APBB2: variants seen among roughly 807,000 people sequenced by gnomAD.
APBB2 encodes Fe65-like 1.
Under a neutral mutation model 82.5 loss-of-function variants are expected in APBB2, and 38 were observed. The ratio of observed to expected loss-of-function variants is 0.46; its 90% CI spans 0.36 to 0.60. The LOEUF is 0.60. APBB2 is among the 20% of genes least tolerant of loss of function. APBB2 has a pLI of 0.00. For missense variants in APBB2, 772 were observed against 972.3 expected, an observed-to-expected ratio of 0.79 and a Z score of 2.74; for synonymous variants, 341 against 368.2, an observed-to-expected ratio of 0.93 and a Z score of 0.85.
chr4:41,027,539 C>A (rs1714946914), intron 5 of APBB2, among the ~76,000 whole-genome samples: 1 of 151,760 alleles, frequency 6.6e-6, no homozygotes, highest in African/African-American at 2.4e-5. Flanking sequence ...TATAGCCATC[C>A]TAGTTGGTGT....
intron 1 of APBB2, among the ~76,000 whole-genome samples, chr4:41,204,116 G>C (rs1197720349): frequency 6.6e-6 from 1 of 152,204 alleles, no homozygotes. Flanking sequence ...AGGGATGGTC[G>C]CAGGCAATGG....
At chr4:41,012,564 C>T (rs1210559550) in intron 6 of APBB2, among the ~76,000 whole-genome samples, 2 of 152,120 alleles carry the variant, frequency 1.3e-5, no homozygotes, top group African/African-American at 4.8e-5. Flanking sequence ...TTCAAAAACG[C>T]TACTTTTTTT....
At chr4:41,022,803 C>G (rs893875842) in intron 5 of APBB2, among the ~76,000 whole-genome samples, 1 of 152,002 alleles carries the variant, frequency 6.6e-6, no homozygotes, top group Non-Finnish European at 1.5e-5. Context: ...AATGTCTAGA[C>G]AGAATTTCTG....
chr4:41,026,678 G>A (rs1714384875), intron 5 of APBB2, among the ~76,000 whole-genome samples: 1 of 152,074 alleles, frequency 6.6e-6, no homozygotes, highest in Non-Finnish European at 1.5e-5. Context: ...TCCTCTTTAT[G>A]GCTGGATAAT....
intron 2 of APBB2, among the ~76,000 whole-genome samples, chr4:41,121,714 G>C (rs1470215061): frequency 6.6e-6 from 1 of 152,128 alleles, no homozygotes; most frequent in Non-Finnish European, 1.5e-5. Context: ...GGTCCTGTCA[G>C]GTGGCTCTCT....
At chr4:41,026,337 A>G (rs1013907826) in intron 5 of APBB2, among the ~76,000 whole-genome samples, 11 of 152,350 alleles carry the variant, frequency 7.2e-5, no homozygotes, top group Admixed American at 7.2e-4. Context: ...CCTAAAAGTT[A>G]AAAAATTTTT....
rs886141445 is a variant in APBB2 at position 41,019,181 on chromosome 4, G to A, written c.20-4783C>T. Among the ~76,000 whole-genome samples, 14 of 152,110 alleles carry A rather than the reference G, an allele frequency of 9.2e-5. No homozygotes were observed. In the East Asian group the frequency reaches 9.6e-4, roughly 10 times the overall value. On this transcript the variant is annotated intron_variant, in intron 5 of 17. Transcript: ENST00000508593. The stretch of plus-strand genomic sequence containing the variant: ...TAGCTGGAGGATGACCCAGGTTTAC[G>A]GGAGGGACTTTATACTTTTTAAAGA...
intron 10 of APBB2, among the ~76,000 whole-genome samples, chr4:40,928,387 AAC>A (rs34694637): frequency 0.033 from 3,740 of 112,814 alleles, 95 homozygotes; most frequent in East Asian, 0.15. Flanking sequence ...TACTAAAGAA[AAC>A]ACACACACAC....
At chr4:41,053,874 A>G (rs1162511487) in intron 4 of APBB2, among the ~76,000 whole-genome samples, 3 of 152,230 alleles carry the variant, frequency 2.0e-5, no homozygotes, top group Non-Finnish European at 2.9e-5. Context: ...TTTCTTTTCA[A>G]AGACTGTTTT....
rs181439447 is a variant in APBB2, at chr4:41,023,470, C to T, written c.20-9072G>A. Among the ~76,000 whole-genome samples, 839 of 152,162 alleles carry T rather than the reference C, an allele frequency of 5.5e-3. 2 individuals carry two copies. Among genetic ancestry groups the T allele is most frequent in the Middle Eastern group, 0.014 (4 of 294 alleles). ...CCCAAAAGCTCTTTCGGCTGATAAA[C>T]AACTTAAGCAAAGTTTCAGGATACA... On this transcript the variant is annotated intron_variant, in intron 5 of 17. Transcript: ENST00000508593.
In APBB2 at chr4:41,197,364, C is replaced by A; in HGVS notation, c.-417+17041G>T. The stretch of plus-strand genomic sequence containing the variant: ...ATGAGCCTTCTTAATGCTTATCTTC[C>A]AATAGCAAATACAAGAATAATAACA... On this transcript the variant is annotated intron_variant, in intron 1 of 17. Transcript: ENST00000508593. Among the ~76,000 whole-genome samples, 8 of 152,232 alleles carry A rather than the reference C, an allele frequency of 5.3e-5. No homozygotes were observed. The East Asian group carries it at 9.6e-4, about 18-fold the overall frequency.
At chr4:41,097,570 C>A (rs1743939800) in intron 3 of APBB2, among the ~76,000 whole-genome samples, 1 of 152,118 alleles carries the variant, frequency 6.6e-6, no homozygotes, top group African/African-American at 2.4e-5. Context: ...GAAAAAGTTA[C>A]CAAAAAACTT....
intron 3 of APBB2, among the ~76,000 whole-genome samples, chr4:41,095,978 C>A (rs1743340563): frequency 6.6e-6 from 1 of 152,214 alleles, no homozygotes; most frequent in Non-Finnish European, 1.5e-5. Flanking sequence ...GCTCCATACC[C>A]CAGCCACGGT....
intron 3 of APBB2, among the ~76,000 whole-genome samples, chr4:41,097,157 C>T (rs1247499174): frequency 6.6e-6 from 1 of 152,180 alleles, no homozygotes; most frequent in African/African-American, 2.4e-5. Context: ...CCCTTAGGCA[C>T]AGAAATATTG....
chr4:40,844,946 A>C (rs1757051519), intron 12 of APBB2, among the ~76,000 whole-genome samples: 2 of 152,236 alleles, frequency 1.3e-5, no homozygotes. Flanking sequence ...CAATCTGAGA[A>C]TACAACCTGT....
At chr4:40,977,223 G>C (rs1797386326) in intron 6 of APBB2, among the ~76,000 whole-genome samples, 1 of 152,046 alleles carries the variant, frequency 6.6e-6, no homozygotes, top group Non-Finnish European at 1.5e-5. Context: ...GAAGGGCAGT[G>C]GCTCTCAACA....
intron 10 of APBB2, among the ~76,000 whole-genome samples, chr4:40,923,090 C>G (rs1046955050): frequency 6.6e-6 from 1 of 151,778 alleles, no homozygotes; most frequent in Non-Finnish European, 1.5e-5. Context: ...ATTCTCCTGC[C>G]TCAGCCTCCC....
intron 12 of APBB2, among the ~76,000 whole-genome samples, chr4:40,853,676 T>C (rs1324528299): frequency 6.6e-6 from 1 of 151,846 alleles, no homozygotes; most frequent in African/African-American, 2.4e-5. Context: ...AGGCTGGTTT[T>C]GAACTCCTAA....
At chr4:40,922,061 A>C (rs1781394186) in intron 10 of APBB2, among the ~76,000 whole-genome samples, 1 of 152,186 alleles carries the variant, frequency 6.6e-6, no homozygotes, top group Admixed American at 6.5e-5. Context: ...TGGATTCAAC[A>C]ACTAAATACA....
Sources: gnomAD v4.1 joint callset for allele counts (sites outside exome capture counted in the v4.1 genomes callset) on GRCh38, gnomAD v4.1.1 for gene constraint, MANE v1.5 for transcripts, NCBI Gene and HGNC (gene_info 2026-07-23, HGNC 2026-07-21) for gene names.